CDH4: variants seen among roughly 807,000 people sequenced by gnomAD.
CDH4 encodes cadherin 4, also known as cadherin-4.
CDH4 carries 33 observed loss-of-function variants against 86.0 expected under a neutral mutation model. That is an observed-to-expected ratio of 0.38 (90% CI 0.29 to 0.51). The LOEUF (loss-of-function observed/expected upper bound fraction) is 0.51, where lower values mean the gene tolerates loss of function less well. Ranked by LOEUF, CDH4 falls within the 20% of genes least tolerant of loss-of-function variation. CDH4 has a pLI of 0.86. For missense variants in CDH4, 1,114 were observed against 1,307.4 expected, an observed-to-expected ratio of 0.85 and a Z score of 2.28; for synonymous variants, 555 against 549.4, an observed-to-expected ratio of 1.01 and a Z score of -0.14.
intron 2 of CDH4, among the ~76,000 whole-genome samples, chr20:61,313,258 A>G (rs948511885): frequency 1.3e-5 from 2 of 152,096 alleles, no homozygotes; most frequent in East Asian, 3.9e-4. Context: ...AGCATGCTTC[A>G]CTGTGAGTCT....
chr20:61,702,241 C>T (rs2145886851), intron 2 of CDH4, among the ~76,000 whole-genome samples: 1 of 152,326 alleles, frequency 6.6e-6, no homozygotes, highest in South Asian at 2.1e-4. Context: ...TTCTGACAAA[C>T]TGGGTTTTGC....
intron 2 of CDH4, among the ~76,000 whole-genome samples, chr20:61,363,360 C>T (rs1267439369): frequency 6.6e-6 from 1 of 152,072 alleles, no homozygotes; most frequent in East Asian, 1.9e-4. Flanking sequence ...AGATAGATTC[C>T]TTGTCCTTAT....
chr20:61,611,465 G>A (rs2086684829), intron 2 of CDH4, among the ~76,000 whole-genome samples: 1 of 152,054 alleles, frequency 6.6e-6, no homozygotes, highest in Non-Finnish European at 1.5e-5. Flanking sequence ...CCAGATTGCT[G>A]AGCCTGACAG....
intron 2 of CDH4, among the ~76,000 whole-genome samples, chr20:61,693,679 G>A (rs980238578): frequency 6.6e-6 from 1 of 152,168 alleles, no homozygotes; most frequent in African/African-American, 2.4e-5. Context: ...CAGCGTTAGA[G>A]GGCAAAGGCC....
chr20:61,871,869 C>G (rs755943192), intron 6 of CDH4, among the ~76,000 whole-genome samples: 1 of 152,246 alleles, frequency 6.6e-6, no homozygotes, highest in Non-Finnish European at 1.5e-5. Flanking sequence ...TTTCATGAAA[C>G]GTGTCTGCTT....
intron 2 of CDH4, among the ~76,000 whole-genome samples, chr20:61,630,205 C>G (rs1472420775): frequency 6.6e-6 from 1 of 152,244 alleles, no homozygotes; most frequent in Admixed American, 6.5e-5. Context: ...CTGCCAGCTG[C>G]CAGTTATGCC....
chr20:61,629,126 G>T (rs1046042231), intron 2 of CDH4, among the ~76,000 whole-genome samples: 2 of 152,260 alleles, frequency 1.3e-5, no homozygotes, highest in African/African-American at 2.4e-5. Context: ...CTGCCACTTT[G>T]CATAGCTGCG....
intron 2 of CDH4, among the ~76,000 whole-genome samples, chr20:61,561,227 T>C (rs2086214583): frequency 6.6e-6 from 1 of 152,226 alleles, no homozygotes; most frequent in Admixed American, 6.5e-5. Flanking sequence ...GTTCATGTCC[T>C]CTGCATCTGG....
intron 8 of CDH4, among the ~76,000 whole-genome samples, chr20:61,906,125 A>T (rs1053820348): frequency 6.6e-6 from 1 of 152,244 alleles, no homozygotes; most frequent in African/African-American, 2.4e-5. Flanking sequence ...GACTTAGGTC[A>T]TTAGCCTATT....
chr20:61,478,368 G>T (rs1362469725), intron 2 of CDH4, among the ~76,000 whole-genome samples: 1 of 152,156 alleles, frequency 6.6e-6, no homozygotes, highest in East Asian at 1.9e-4. Flanking sequence ...CTGGCTAGGG[G>T]ACAGTGGTTT....
chr20:61,354,963 G>A (rs1261387204), intron 2 of CDH4, among the ~76,000 whole-genome samples: 2 of 152,152 alleles, frequency 1.3e-5, no homozygotes, highest in African/African-American at 4.8e-5. Flanking sequence ...ATTTGGAATG[G>A]CGCATTAACA....
chr20:61,727,702 A>C (rs2088132576), intron 2 of CDH4, among the ~76,000 whole-genome samples: 1 of 152,120 alleles, frequency 6.6e-6, no homozygotes, highest in Admixed American at 6.5e-5. Context: ...GAGGTGGGAG[A>C]GTTGGAGGTG....
chr20:61,397,949 T>C (rs1792786345), intron 2 of CDH4, among the ~76,000 whole-genome samples: 3 of 152,194 alleles, frequency 2.0e-5, no homozygotes, highest in African/African-American at 7.2e-5. Flanking sequence ...TCACTGGTAT[T>C]TTGGCCTGAC....
At chr20:61,712,545 C>G (rs1261419738) in intron 2 of CDH4, among the ~76,000 whole-genome samples, 2 of 152,134 alleles carry the variant, frequency 1.3e-5, no homozygotes, top group African/African-American at 4.8e-5. Context: ...TCTTCCCTCC[C>G]CAACCTCTCC....
chr20:61,882,903 T>TC (rs1188685226), intron 7 of CDH4, among the ~76,000 whole-genome samples: 1 of 149,572 alleles, frequency 6.7e-6, no homozygotes, highest in African/African-American at 2.5e-5. Flanking sequence ...GTCCACTGTC[T>TC]CCCCCACACC....
chr20:61,861,106 A>C (rs1983302228), intron 6 of CDH4, among the ~76,000 whole-genome samples: 1 of 151,976 alleles, frequency 6.6e-6, no homozygotes, highest in East Asian at 1.9e-4. Context: ...TCAGCTGTCC[A>C]CTCTGCCTAG....
intron 2 of CDH4, among the ~76,000 whole-genome samples, chr20:61,513,285 G>A (rs952622607): frequency 2.6e-5 from 4 of 152,322 alleles, no homozygotes; most frequent in South Asian, 4.1e-4. Flanking sequence ...GCTGCTGGGC[G>A]CAGGGTGGAA....
chr20:61,526,397 G>A (rs1047336071), intron 2 of CDH4, among the ~76,000 whole-genome samples: 1 of 151,988 alleles, frequency 6.6e-6, no homozygotes, highest in Non-Finnish European at 1.5e-5. Context: ...GGTGAGTGCC[G>A]GACCCCTCAC....
chr20:61,822,581 C>T (rs905502020), intron 4 of CDH4, among the ~76,000 whole-genome samples: 1 of 152,150 alleles, frequency 6.6e-6, no homozygotes, highest in African/African-American at 2.4e-5. Flanking sequence ...GGGAGGGTGC[C>T]AGGTGAGGGA....
Sources: gnomAD v4.1 joint callset for allele counts (sites outside exome capture counted in the v4.1 genomes callset) on GRCh38, gnomAD v4.1.1 for gene constraint, MANE v1.5 for transcripts, NCBI Gene and HGNC (gene_info 2026-07-23, HGNC 2026-07-21) for gene names.